Variants in CPNE2 observed in about 807,000 individuals in gnomAD.
The protein encoded by CPNE2 is copine 2, also known as copine-2.
CPNE2 carries 42 observed loss-of-function variants against 69.7 expected under a neutral mutation model. The ratio of observed to expected loss-of-function variants is 0.60; its 90% confidence interval spans 0.47 to 0.78. The LOEUF is 0.78. Ranked by LOEUF, CPNE2 falls within the 30% of genes least tolerant of loss-of-function variation. CPNE2 has a pLI of 0.00. For synonymous variants in CPNE2, 294 were observed against 289.8 expected (o/e 1.01, Z -0.15); for missense variants, 587 against 732.0 (o/e 0.80, Z 2.29).
At chr16:57,113,493 G>A (rs779903700) in intron 3 of CPNE2, 26 bp downstream of exon 3, 24 of 1,604,558 alleles carry the variant, frequency 1.5e-5, no homozygotes, top group Non-Finnish European at 2.0e-5. Flanking sequence ...CTGGGTGGGA[G>A]CAGGGGCCCA....
intron 13 of CPNE2, among the ~76,000 whole-genome samples, chr16:57,135,873 CAAAA>C (rs750583046): frequency 1.4e-5 from 1 of 69,208 alleles, no homozygotes; most frequent in African/African-American, 5.6e-5. Flanking sequence ...GACTCTGTCT[CAAAA>C]AAAAAAAAAA....
At chr16:57,145,169 TA>T (rs2069948373) in intron 14 of CPNE2, among the ~76,000 whole-genome samples, 1 of 151,842 alleles carries the variant, frequency 6.6e-6, no homozygotes, top group Admixed American at 6.6e-5. Flanking sequence ...AAATAGAGAG[TA>T]ACAAAAATAA....
At chr16:57,098,521 G>A (rs1243610178) in intron 1 of CPNE2, among the ~76,000 whole-genome samples, 1 of 152,178 alleles carries the variant, frequency 6.6e-6, no homozygotes, top group South Asian at 2.1e-4. Flanking sequence ...CAGGATGTTG[G>A]GGCAGCCAGG....
chr16:57,137,326 G>A (rs751024203), intron 14 of CPNE2, 44 bp downstream of exon 14: 21 of 1,608,882 alleles, frequency 1.3e-5, no homozygotes, highest in South Asian at 4.4e-5. Flanking sequence ...AAACACGCAC[G>A]TCCTCTGGGC....
At chr16:57,122,201 G>A (rs1288823549) in intron 9 of CPNE2, among the ~76,000 whole-genome samples, 1 of 152,260 alleles carries the variant, frequency 6.6e-6, no homozygotes, top group Non-Finnish European at 1.5e-5. Context: ...TGAAGTTCAT[G>A]TCAGCAGTGG....
rs569575208 is a variant in CPNE2 at position 57,098,334 on chromosome 16, G to A, written c.-36+5544G>A. 1.5e-3 allele frequency among the ~76,000 whole-genome samples: 225 copies of A among 152,368 alleles called. 1 individual carries two copies. Among genetic ancestry groups the A allele is most frequent in the Non-Finnish European group, 1.3e-3 (86 of 68,028 alleles). On this transcript the variant is annotated intron_variant, in intron 1 of 15. Coordinates refer to ENST00000290776, the MANE Select transcript of CPNE2 (RefSeq NM_152727.6). The stretch of plus-strand genomic sequence containing the variant: ...TCTTTGGAGCACAGCAGCCGGTGCC[G>A]TAGCCTCGGTGCAGAAATGATTTGT...
chr16:57,121,235 C>A, intron 8 of CPNE2, 44 bp downstream of exon 8: 1 of 1,560,398 alleles, frequency 6.4e-7, no homozygotes. Context: ...CTCAGCAGGG[C>A]TGGGGGAAGG....
intron 11 of CPNE2, 106 bp downstream of exon 11, chr16:57,126,099 G>C: frequency 1.4e-6 from 2 of 1,421,702 alleles, no homozygotes; most frequent in Non-Finnish European, 1.9e-6. Flanking sequence ...ATCTAGGAAT[G>C]GACAGCAAAT....
chr16:57,137,277 GC>G lies in CPNE2; in HGVS notation c.1299del (p.Thr434ArgfsTer230). On this transcript the variant is annotated frameshift_variant, in exon 14 of 16. Transcript: ENST00000290776. LOFTEE classifies it high-confidence loss of function. ...FAAQATQQRTATQYFILLIIT... is the reference protein window; with the variant it reads ...FAAQATQQRTXTQYFILLIIT... The stretch of plus-strand genomic sequence containing the variant: ...GGCCCAGGCCACACAACAGCGGACG[GC>G]CACGGTGAGTAGGCAGCTGCAAGCC... 2.5e-6 allele frequency: 4 copies of G among 1,614,002 alleles called. No individual in the cohort carries two copies. The highest frequency in any genetic ancestry group is 3.4e-6 in the Non-Finnish European group (4 of 1,179,986).
intron 14 of CPNE2, among the ~76,000 whole-genome samples, chr16:57,140,027 C>T (rs2145281723): frequency 6.6e-6 from 1 of 152,216 alleles, no homozygotes; most frequent in Admixed American, 6.5e-5. Flanking sequence ...GTAGAGGGAA[C>T]AGGAAGCGCA....
At chr16:57,120,286 AG>A (rs2069752098) in intron 7 of CPNE2, among the ~76,000 whole-genome samples, 1 of 146,654 alleles carries the variant, frequency 6.8e-6, no homozygotes, top group African/African-American at 2.5e-5. Context: ...AAAAAAAAAA[AG>A]TTATAGGCCG....
At chr16:57,118,717 C>A (rs1399914830) in intron 5 of CPNE2, among the ~76,000 whole-genome samples, 1 of 151,390 alleles carries the variant, frequency 6.6e-6, no homozygotes, top group South Asian at 2.1e-4. Flanking sequence ...TAGAGTGAGT[C>A]ACATACAAAA....
intron 8 of CPNE2, 27 bp from the exon 9 acceptor site, chr16:57,121,643 GGTGA>G: frequency 6.2e-7 from 1 of 1,606,306 alleles, no homozygotes; most frequent in Non-Finnish European, 8.5e-7. Context: ...GAAGCCCCGA[GGTGA>G]GTGTCTCTTT....
intron 10 of CPNE2, chr16:57,123,798 G>C: frequency 2.4e-6 from 1 of 409,164 alleles, no homozygotes; most frequent in Non-Finnish European, 4.5e-6. Context: ...TCCTTCATCT[G>C]CAGCCTCCTT....
At chr16:57,134,560 C>A (rs149466392) in intron 12 of CPNE2, among the ~76,000 whole-genome samples, 27 of 152,220 alleles carry the variant, frequency 1.8e-4, no homozygotes, top group African/African-American at 6.5e-4. Context: ...CAGTTTCCTC[C>A]ACTATGAGGA....
chr16:57,117,621 C>T, intron 5 of CPNE2, 54 bp downstream of exon 5: 2 of 1,589,866 alleles, frequency 1.3e-6, no homozygotes, highest in Non-Finnish European at 8.6e-7. Flanking sequence ...CCACCAGCCC[C>T]AGGGCTGTGT....
chr16:57,103,755 A>G (rs1387640581), intron 1 of CPNE2, among the ~76,000 whole-genome samples: 1 of 151,784 alleles, frequency 6.6e-6, no homozygotes, highest in Admixed American at 6.6e-5. Flanking sequence ...GCTCCTTTAC[A>G]CTATAGCTGG....
At chr16:57,094,882 G>C (rs1295388848) in intron 1 of CPNE2, among the ~76,000 whole-genome samples, 1 of 152,130 alleles carries the variant, frequency 6.6e-6, no homozygotes, top group African/African-American at 2.4e-5. Flanking sequence ...GCCTCACAGG[G>C]CTCTAAGGAG....
At chr16:57,114,668 G>A (rs965150050) in intron 3 of CPNE2, among the ~76,000 whole-genome samples, 3 of 152,158 alleles carry the variant, frequency 2.0e-5, no homozygotes, top group Non-Finnish European at 2.9e-5. Flanking sequence ...CAGGAAGCAC[G>A]AACCATGCTG....
Sources: allele counts gnomAD v4.1 joint callset (sites outside exome capture counted in the v4.1 genomes callset), GRCh38; gene constraint gnomAD v4.1.1; transcripts MANE v1.5; gene names NCBI Gene and HGNC (gene_info 2026-07-23, HGNC 2026-07-21).